The following CSMD1 variants were observed in gnomAD, a reference collection of about 807,000 sequenced individuals.
CSMD1 encodes the protein CUB and Sushi multiple domains 1.
CSMD1 carries 213 observed loss-of-function variants against 417.5 expected under a neutral mutation model. The ratio of observed to expected loss-of-function variants is 0.51; its 90% CI spans 0.46 to 0.57. CSMD1 has a LOEUF of 0.57. Ranked by LOEUF, CSMD1 falls within the 20% of genes least tolerant of loss-of-function variation. The pLI, the probability that CSMD1 is intolerant of heterozygous loss-of-function variation, is 0.00. For missense variants in CSMD1, 6,923 were observed against 4,529.7 expected (o/e 1.53, Z -15.17); for synonymous variants, 2,862 against 1,736.8 (o/e 1.65, Z -16.11).
intron 10 of CSMD1, among the ~76,000 whole-genome samples, chr8:3,545,538 CT>C (rs935483243): frequency 9.2e-5 from 14 of 152,146 alleles, no homozygotes; most frequent in Non-Finnish European, 1.8e-4. Context: ...AATTTCACCA[CT>C]CTAATGTGAT....
At chr8:3,778,593 C>G (rs531664360) in intron 5 of CSMD1, among the ~76,000 whole-genome samples, 1 of 152,322 alleles carries the variant, frequency 6.6e-6, no homozygotes, top group South Asian at 2.1e-4. Flanking sequence ...AAAAGAGCAT[C>G]AGTGCCCTCT....
At position 2,962,378 on chromosome 8, in the gene CSMD1, T is replaced by G. The variant is rs1048442659; in HGVS notation, c.9628+88A>C. 5 of 1,189,082 alleles carry G rather than the reference T, an allele frequency of 4.2e-6. No individual in the cohort carries two copies. The Admixed American group carries it at 8.9e-5, about 21-fold the overall frequency. 73.7% of individuals were successfully genotyped at this position (1,189,082 alleles called of 1,614,324 possible). A position where few individuals can be genotyped will look rare whatever the true frequency, so the allele number is the denominator to read the frequency against. ...AAACTGTCTATGGAAACACTTTCTA[T>G]GTAATCACAAATGACCCAATTTCGG... On this transcript the variant is annotated intron_variant, in intron 61 of 69. Coordinates refer to ENST00000635120, the MANE Select transcript of CSMD1 (RefSeq NM_033225.6).
chr8:3,514,160 C>G (rs535914362), intron 10 of CSMD1, among the ~76,000 whole-genome samples: 3 of 152,300 alleles, frequency 2.0e-5, no homozygotes, highest in East Asian at 1.9e-4. Flanking sequence ...TCCCAGGAAG[C>G]TGTCATAGCT....
rs571747805 is a variant in CSMD1 at position 4,402,475 on chromosome 8, G to C, written c.415+17478C>G. 9.9e-5 allele frequency among the ~76,000 whole-genome samples: 15 copies of C among 152,214 alleles called. No homozygotes were observed. The South Asian group carries it at 2.9e-3, about 29-fold the overall frequency. On this transcript the variant is annotated intron_variant, in intron 3 of 69. Transcript: ENST00000635120. The stretch of plus-strand genomic sequence containing the variant: ...TGGAGCTAAGCTTCCTGGTCTCTCT[G>C]TATGTTCATGACCACTCCTCTCCCA...
At chr8:3,538,061 G>A (rs1050884165) in intron 10 of CSMD1, among the ~76,000 whole-genome samples, 1 of 152,204 alleles carries the variant, frequency 6.6e-6, no homozygotes, top group African/African-American at 2.4e-5. Context: ...GAACCTGATG[G>A]TCAATGACCC....
Position 4,115,962 on chromosome 8 carries a change from T to C in CSMD1, c.416-83863A>G, listed in dbSNP as rs571841556. Among the ~76,000 whole-genome samples, 249 of 135,518 alleles carry C rather than the reference T, an allele frequency of 1.8e-3. 1 individual carries two copies. Among genetic ancestry groups the C allele is most frequent in the Non-Finnish European group, 2.9e-3 (186 of 64,608 alleles). The allele number at this position is 135,518 out of a possible 152,430, so 88.9% of individuals were successfully genotyped here. ...AACACCAAGAAAACAGGGTTTTCAT[T>C]ATTTTATTTATTTATTTATTTATTT... is the stretch of plus-strand genomic sequence containing the variant. On this transcript the variant is annotated intron_variant, in intron 3 of 69. Coordinates refer to ENST00000635120, the MANE Select transcript of CSMD1 (RefSeq NM_033225.6).
rs938763629 is a variant in CSMD1 at position 4,104,391 on chromosome 8, C to G, written c.416-72292G>C. Among the ~76,000 whole-genome samples the G allele has an allele frequency of 2.0e-5, 3 of 152,114 alleles. No homozygotes were observed. In the East Asian group the frequency reaches 5.8e-4, roughly 29 times the overall value. ...AAAATGCACAGGGCAGTACTACACA[C>G]ACACGTGTACACACATGCACACGCA... On this transcript the variant is annotated intron_variant, in intron 3 of 69. Transcript: ENST00000635120.
chr8:3,548,084 T>G lies in CSMD1; in HGVS notation c.1344+26861A>C, dbSNP rs530046298. On this transcript the variant is annotated intron_variant, in intron 10 of 69. Coordinates refer to ENST00000635120, the MANE Select transcript of CSMD1 (RefSeq NM_033225.6). ...CAGTATTTTGACCAAAATAAATAGG[T>G]CCACCAAAAAAAATACCGTGCTCAG... 2.0e-5 allele frequency among the ~76,000 whole-genome samples: 3 copies of G among 152,138 alleles called. No individual in the cohort carries two copies. The South Asian group carries it at 6.2e-4, about 32-fold the overall frequency.
At chr8:4,109,551 G>A (rs904266018) in intron 3 of CSMD1, among the ~76,000 whole-genome samples, 2 of 152,064 alleles carry the variant, frequency 1.3e-5, no homozygotes, top group African/African-American at 4.8e-5. Flanking sequence ...AGGCAAAATT[G>A]ACCATCATTT....
At chr8:3,243,576 A>T (rs923730997) in intron 26 of CSMD1, among the ~76,000 whole-genome samples, 2 of 152,100 alleles carry the variant, frequency 1.3e-5, no homozygotes, top group Admixed American at 6.5e-5. Context: ...TAATGTCATC[A>T]GTTAAGGCAG....
chr8:3,939,383 G>A (rs1234307591), intron 5 of CSMD1, among the ~76,000 whole-genome samples: 3 of 152,096 alleles, frequency 2.0e-5, no homozygotes, highest in African/African-American at 7.2e-5. Flanking sequence ...TGGATATGGT[G>A]AAAAGGGAAC....
intron 2 of CSMD1, among the ~76,000 whole-genome samples, chr8:4,529,210 G>C (rs1796672279): frequency 6.6e-6 from 1 of 152,130 alleles, no homozygotes; most frequent in Non-Finnish European, 1.5e-5. Flanking sequence ...CTCTTATCAG[G>C]ACAATATTGA....
intron 7 of CSMD1, among the ~76,000 whole-genome samples, chr8:3,644,448 G>C (rs1797473424): frequency 6.6e-6 from 1 of 152,194 alleles, no homozygotes; most frequent in African/African-American, 2.4e-5. Flanking sequence ...ACGGTAGAAA[G>C]AAAAGAGAGC....
chr8:3,532,580 T>C (rs1169385948), intron 10 of CSMD1, among the ~76,000 whole-genome samples: 1 of 152,172 alleles, frequency 6.6e-6, no homozygotes, highest in Non-Finnish European at 1.5e-5. Context: ...ATTTGATGAG[T>C]GATTGCATTC....
At chr8:3,222,992 G>A (rs929750550) in intron 28 of CSMD1, among the ~76,000 whole-genome samples, 2 of 152,134 alleles carry the variant, frequency 1.3e-5, no homozygotes, top group Non-Finnish European at 2.9e-5. Flanking sequence ...CTTGTCCTTG[G>A]ATAGCTGAAA....
chr8:3,727,366 C>T (rs1802555060), intron 6 of CSMD1, among the ~76,000 whole-genome samples: 1 of 152,154 alleles, frequency 6.6e-6, no homozygotes. Context: ...CAGAGGGTGC[C>T]AGAGAGCTGG....
chr8:4,861,204 C>T (rs921990574), intron 1 of CSMD1, among the ~76,000 whole-genome samples: 20 of 152,262 alleles, frequency 1.3e-4, no homozygotes, highest in African/African-American at 4.8e-4. Flanking sequence ...CAGAGACCTG[C>T]TCTAATCTAT....
rs147122613 is a variant in CSMD1, at chr8:3,824,827, A to C, written c.819-70785T>G. ...ACTGATGGATGAGCAAATTGAAAAA[A>C]GGATTTCAATAAAATGACACAGGGT... On this transcript the variant is annotated intron_variant, in intron 5 of 69. Coordinates refer to ENST00000635120, the MANE Select transcript of CSMD1 (RefSeq NM_033225.6). Among the ~76,000 whole-genome samples, 137 of 152,280 alleles carry C rather than the reference A, an allele frequency of 9.0e-4. 1 individual carries two copies. The highest frequency in any genetic ancestry group is 1.6e-3 in the Non-Finnish European group (112 of 68,012).
chr8:3,839,139 A>G (rs1397864837), intron 5 of CSMD1, among the ~76,000 whole-genome samples: 1 of 127,116 alleles, frequency 7.9e-6, no homozygotes, highest in Non-Finnish European at 1.6e-5. Context: ...CTCTAGATAT[A>G]TATAGTCTAT....
Sources: allele counts gnomAD v4.1 joint callset (sites outside exome capture counted in the v4.1 genomes callset), GRCh38; gene constraint gnomAD v4.1.1; transcripts MANE v1.5; gene names NCBI Gene and HGNC (gene_info 2026-07-23, HGNC 2026-07-21).